CENPO: variants seen among roughly 807,000 people sequenced by gnomAD.
The protein encoded by CENPO is centromeric protein O.
A neutral mutation model predicts 36.1 loss-of-function variants in CENPO; 30 were observed. The observed-to-expected ratio is 0.83, with a 90% confidence interval of 0.62 to 1.13. CENPO has a LOEUF of 1.13. CENPO is among the 50% of genes most tolerant of loss of function. The pLI is 0.00. For missense variants in CENPO, 349 were observed against 357.8 expected, an observed-to-expected ratio of 0.98 and a Z score of 0.20; for synonymous variants, 171 against 142.3, an observed-to-expected ratio of 1.20 and a Z score of -1.44.
At chr2:24,818,940 A>G (rs1369978602) in intron 7 of CENPO, among the ~76,000 whole-genome samples, 2 of 152,250 alleles carry the variant, frequency 1.3e-5, no homozygotes, top group African/African-American at 4.8e-5. Flanking sequence ...TCCGTGTGGG[A>G]GAGCTCCAGG....
Position 24,821,456 on chromosome 2 carries a change from G to T in CENPO, c.*2138G>T. On this transcript the variant is annotated 3_prime_UTR_variant, in exon 8 of 8. Coordinates refer to ENST00000380834, the MANE Select transcript of CENPO (RefSeq NM_001322101.2). ...TGAGCCTCATGTCTCTCCTGGTGGT[G>T]GGCCAGGCCCCTGCATGGGAAGGGA... 1.3e-6 allele frequency: 2 copies of T among 1,593,108 alleles called. No homozygotes were observed.
chr2:24,817,144 T>C (rs571608125), intron 6 of CENPO, among the ~76,000 whole-genome samples: 4 of 152,282 alleles, frequency 2.6e-5, no homozygotes, highest in South Asian at 2.1e-4. Flanking sequence ...GGGTCAGTTA[T>C]GGTGGATGGA....
Position 24,820,072 on chromosome 2 carries a change from G to A in CENPO, c.*754G>A, listed in dbSNP as rs143344645. The A allele has an allele frequency of 2.2e-4, 351 of 1,586,468 alleles. 3 individuals carry two copies. The East Asian group carries it at 6.8e-3, about 31-fold the overall frequency. On this transcript the variant is annotated 3_prime_UTR_variant, in exon 8 of 8. Transcript: ENST00000380834. ...AAGATGGGGCCTCGCCTCACAAAGC[G>A]GAAGCCGTACTCTCGGAGGATGACT...
At chr2:24,817,963 T>TAGAC in intron 7 of CENPO, 122 bp downstream of exon 7, 2 of 697,800 alleles carry the variant, frequency 2.9e-6, no homozygotes, top group Non-Finnish European at 4.6e-6. Context: ...GGTTTGAGTA[T>TAGAC]AGACACTGGC....
chr2:24,808,617 A>G (rs1309541643), intron 3 of CENPO, among the ~76,000 whole-genome samples: 1 of 152,186 alleles, frequency 6.6e-6, no homozygotes, highest in Non-Finnish European at 1.5e-5. Context: ...AGGGAATCAT[A>G]TGTTTTCTCC....
Position 24,820,346 on chromosome 2 carries a change from T to G in CENPO, c.*1028T>G. ...TCCTCTCATCCAGAGACTTCTCTCCTAGGATGGCCATGGTCACCTGGGTGG... is the reference window on the plus strand; with the variant it reads ...TCCTCTCATCCAGAGACTTCTCTCCGAGGATGGCCATGGTCACCTGGGTGG... On this transcript the variant is annotated 3_prime_UTR_variant, in exon 8 of 8. Transcript: ENST00000380834. 7.5e-7 allele frequency: 1 copy of G among 1,334,638 alleles called. No homozygotes were observed. Among genetic ancestry groups the G allele is most frequent in the African/African-American group, 1.5e-5 (1 of 66,654 alleles). 82.7% of individuals were successfully genotyped at this position (1,334,638 alleles called of 1,614,324 possible). A position where few individuals can be genotyped will look rare whatever the true frequency, so the allele number is the denominator to read the frequency against.
intron 3 of CENPO, 53 bp downstream of exon 3, chr2:24,799,897 G>A: frequency 1.3e-6 from 2 of 1,581,570 alleles, no homozygotes; most frequent in Non-Finnish European, 1.7e-6. Context: ...GAACAAACGT[G>A]ATTTGGGAAT....
chr2:24,802,809 C>T (rs1351996687), intron 3 of CENPO, among the ~76,000 whole-genome samples: 4 of 152,076 alleles, frequency 2.6e-5, no homozygotes, highest in African/African-American at 4.8e-5. Flanking sequence ...TGTGTCTCTG[C>T]CAGGCTTTGG....
intron 4 of CENPO, 148 bp downstream of exon 4, chr2:24,814,641 G>GACAC: frequency 2.1e-6 from 1 of 475,248 alleles, no homozygotes; most frequent in Non-Finnish European, 3.8e-6. Flanking sequence ...CACACACACA[G>GACAC]ACACACACAC....
In CENPO at chr2:24,799,882, A is replaced by G. The variant is rs902155621; in HGVS notation, c.216+38A>G. The G allele has an allele frequency of 5.0e-6, 8 of 1,599,210 alleles. No homozygotes were observed. The African/African-American group carries it at 5.4e-5, about 11-fold the overall frequency. ...GTGGTATCAGCAGTTCCTTTAGAGT[A>G]TAATGAACAAACGTGATTTGGGAAT... On this transcript the variant is annotated intron_variant, in intron 3 of 7. Transcript: ENST00000380834.
chr2:24,793,559 G>T (rs1428677335), intron 1 of CENPO, 58 bp downstream of exon 1: 6 of 1,512,166 alleles, frequency 4.0e-6, no homozygotes, highest in Non-Finnish European at 5.3e-6. Flanking sequence ...ACCGTGGCCA[G>T]GGTGGCGGGC....
rs1211522971 is a variant in CENPO, at chr2:24,799,661, T to A, written c.47-14T>A. On this transcript the variant is annotated splice_polypyrimidine_tract_variant and intron_variant, in intron 2 of 7. Transcript: ENST00000380834. ...CCTCAGCTTCTTGTAAAATTCTCCT[T>A]TTACTCTCCTTAGGTGTTTTAGCTC... 1 of 1,583,762 alleles carries A rather than the reference T, an allele frequency of 6.3e-7. No homozygotes were observed. Among genetic ancestry groups the A allele is most frequent in the Non-Finnish European group, 8.6e-7 (1 of 1,161,192 alleles).
intron 7 of CENPO, 118 bp downstream of exon 7, chr2:24,817,959 A>C: frequency 1.4e-6 from 1 of 739,404 alleles, no homozygotes; most frequent in Non-Finnish European, 2.1e-6. Context: ...AGCAGGTTTG[A>C]GTATAGACAC....
intron 3 of CENPO, among the ~76,000 whole-genome samples, chr2:24,810,058 A>AC (rs1666606992): frequency 6.6e-6 from 1 of 151,894 alleles, no homozygotes; most frequent in Admixed American, 6.6e-5. Context: ...AAAAAAAAAA[A>AC]AAAACTTACA....
chr2:24,817,276 TG>T (rs1272747741), intron 6 of CENPO, among the ~76,000 whole-genome samples: 1 of 152,194 alleles, frequency 6.6e-6, no homozygotes, highest in Non-Finnish European at 1.5e-5. Flanking sequence ...AGAGATTTTT[TG>T]GTGAACCTGT....
chr2:24,812,392 G>A (rs1009554191), intron 3 of CENPO, among the ~76,000 whole-genome samples: 3 of 151,900 alleles, frequency 2.0e-5, no homozygotes, highest in Admixed American at 1.3e-4. Context: ...ATGTGGCTAA[G>A]CATGATTTTT....
Position 24,819,911 on chromosome 2 carries a change from C to A in CENPO, c.*593C>A. On this transcript the variant is annotated 3_prime_UTR_variant, in exon 8 of 8. Transcript: ENST00000380834. ...AATAAATTCTCCCTTCCGGTTTGGA[C>A]TGTTGCAGGCTCGAGGCCATTCAGG... 1 of 1,609,714 alleles carries A rather than the reference C, an allele frequency of 6.2e-7. No homozygotes were observed.
At chr2:24,812,873 A>G (rs1466598479) in intron 3 of CENPO, among the ~76,000 whole-genome samples, 5 of 126,412 alleles carry the variant, frequency 4.0e-5, no homozygotes, top group Non-Finnish European at 5.2e-5. Flanking sequence ...GCTTTCAGTC[A>G]TCTGTTTCTC....
At chr2:24,798,153 C>T (rs534837497) in intron 2 of CENPO, among the ~76,000 whole-genome samples, 1 of 151,996 alleles carries the variant, frequency 6.6e-6, no homozygotes, top group South Asian at 2.1e-4. Context: ...CTTGCATGGA[C>T]AACTCTTTTA....
Sources: gnomAD v4.1 joint callset for allele counts (sites outside exome capture counted in the v4.1 genomes callset) on GRCh38, gnomAD v4.1.1 for gene constraint, MANE v1.5 for transcripts, NCBI Gene and HGNC (gene_info 2026-07-23, HGNC 2026-07-21) for gene names.